Variants in THAP6 observed in about 807,000 individuals in gnomAD.
The protein encoded by THAP6 is THAP domain-containing protein 6.
In THAP6, 13 loss-of-function variants were observed where a neutral mutation model predicts 20.0. The ratio of observed to expected loss-of-function variants is 0.65; its 90% CI spans 0.42 to 1.03. The LOEUF is 1.03. Among genes scored for constraint, THAP6 ranks in the 50% least tolerant of loss-of-function variants. THAP6 has a pLI of 0.00. For synonymous variants in THAP6, 93 were observed against 92.2 expected (o/e 1.01, Z -0.05); for missense variants, 262 against 261.6 (o/e 1.00, Z -0.01).
chr4:75,519,362 T>C (rs1725865429), intron 3 of THAP6, among the ~76,000 whole-genome samples: 2 of 151,316 alleles, frequency 1.3e-5, no homozygotes, highest in South Asian at 4.2e-4. Flanking sequence ...AGTTTTAGGG[T>C]ACATGTGCAC....
At chr4:75,514,329 A>T (rs1420799499), upstream of THAP6, 1 of 1,587,648 alleles carries the variant, frequency 6.3e-7, no homozygotes, top group South Asian at 1.1e-5. Context: ...TTCCCCCAGG[A>T]TAAAAACCAC....
At chr4:75,522,052 G>A (rs1194658204) in intron 4 of THAP6, 191 bp downstream of exon 4, 3 of 601,258 alleles carry the variant, frequency 5.0e-6, no homozygotes, top group Non-Finnish European at 8.1e-6. Flanking sequence ...TAATCCTTTG[G>A]TTACATATGT....
rs1178730138 is a variant in THAP6, at chr4:75,527,917, G to C, written c.*703G>C. ...AAAAGACAAAAAGGATCGTAGATCT[G>C]ATTTTTAAATGGTTGGTTGCTCTGA... On this transcript the variant is annotated 3_prime_UTR_variant, in exon 5 of 5. Coordinates refer to ENST00000311638, the MANE Select transcript of THAP6 (RefSeq NM_144721.6). 1.0e-6 allele frequency: 1 copy of C among 985,412 alleles called. No homozygotes were observed. Among genetic ancestry groups the C allele is most frequent in the African/African-American group, 1.7e-5 (1 of 57,366 alleles). 61.0% of individuals were successfully genotyped at this position (985,412 alleles called of 1,614,324 possible). A position where few individuals can be genotyped will look rare whatever the true frequency, so the allele number is the denominator to read the frequency against.
chr4:75,532,774 G>T (rs899251046), downstream of THAP6, among the ~76,000 whole-genome samples: 1 of 151,982 alleles, frequency 6.6e-6, no homozygotes. Flanking sequence ...ACCCTCTGAA[G>T]CCACGGCCCA....
Position 75,527,231 on chromosome 4 carries a change from G to T in THAP6, c.*17G>T, listed in dbSNP as rs200886095. The T allele has an allele frequency of 6.2e-5, 99 of 1,590,174 alleles. No homozygotes were observed. Among genetic ancestry groups the T allele is most frequent in the Non-Finnish European group, 8.2e-5 (96 of 1,165,324 alleles). ...ATTTCATGAAATAATTTCATGTTAC[G>T]TTCCACCTAAAATTGTCATTGGTAC... On this transcript the variant is annotated 3_prime_UTR_variant, in exon 5 of 5. Transcript: ENST00000311638.
At chr4:75,534,156 A>C (rs930279623), downstream of THAP6, among the ~76,000 whole-genome samples, 1 of 152,178 alleles carries the variant, frequency 6.6e-6, no homozygotes, top group Non-Finnish European at 1.5e-5. Flanking sequence ...AATCCAGTCT[A>C]TCATTGTTGG....
rs564457891 is a variant in THAP6, at chr4:75,527,772, G to A, written c.*558G>A. On this transcript the variant is annotated 3_prime_UTR_variant, in exon 5 of 5. Coordinates refer to ENST00000311638, the MANE Select transcript of THAP6 (RefSeq NM_144721.6). ...TGAGAATAACACATAGTGAAGATCT[G>A]TGGGCTTTTAAAATTGTTCACAGCC... The A allele has an allele frequency of 2.0e-6, 2 of 986,116 alleles. No homozygotes were observed. The highest frequency in any genetic ancestry group is 2.4e-6 in the Non-Finnish European group (2 of 830,614). 61.1% of individuals were successfully genotyped at this position (986,116 alleles called of 1,614,324 possible). A position where few individuals can be genotyped will look rare whatever the true frequency, so the allele number is the denominator to read the frequency against.
At chr4:75,539,937 A>G in intron 2 of THAP6, 1 of 1,536,098 alleles carries the variant, frequency 6.5e-7, no homozygotes, top group Non-Finnish European at 8.7e-7. Flanking sequence ...GGGAATGGCA[A>G]GTGGACAGGC....
rs1726614727 is a variant in THAP6 at position 75,529,830 on chromosome 4, T to G, written c.*2616T>G. 1.0e-6 allele frequency: 1 copy of G among 985,256 alleles called. No individual in the cohort carries two copies. The highest frequency in any genetic ancestry group is 1.2e-6 in the Non-Finnish European group (1 of 829,886). 61.0% of individuals were successfully genotyped at this position (985,256 alleles called of 1,614,324 possible). ...TTGATACGTGGAATTTTTCTCTATA[T>G]CAAGTTTAAATTTCTGGAAATAGAC... On this transcript the variant is annotated 3_prime_UTR_variant, in exon 5 of 5. Transcript: ENST00000311638.
chr4:75,515,399 G>A, intron 1 of THAP6, 34 bp from the exon 2 acceptor site: 1 of 1,577,320 alleles, frequency 6.3e-7, no homozygotes, highest in African/African-American at 1.3e-5. Context: ...CAGCTTTCCG[G>A]TTACTAACTC....
chr4:75,528,139 G>T lies in THAP6; in HGVS notation c.*925G>T. 2 of 985,080 alleles carry T rather than the reference G, an allele frequency of 2.0e-6. No homozygotes were observed. Among genetic ancestry groups the T allele is most frequent in the Middle Eastern group, 5.2e-4 (1 of 1,912 alleles). 61.0% of individuals were successfully genotyped at this position (985,080 alleles called of 1,614,324 possible). ...AACTGTGGCTCTTCCAGTTGAAATA[G>T]GAATTGGAGAGAAAGGATTAGAATA... On this transcript the variant is annotated 3_prime_UTR_variant, in exon 5 of 5. Transcript: ENST00000311638.
chr4:75,518,164 C>T (rs1338813013), intron 3 of THAP6, among the ~76,000 whole-genome samples: 1 of 151,986 alleles, frequency 6.6e-6, no homozygotes, highest in East Asian at 1.9e-4. Flanking sequence ...GTCATCTAGC[C>T]GTAATGTTAA....
Position 75,527,389 on chromosome 4 carries a change from G to C in THAP6, c.*175G>C. On this transcript the variant is annotated 3_prime_UTR_variant, in exon 5 of 5. Transcript: ENST00000311638. Reference sequence around the variant, plus strand: ...TTTTGAAAATATGCAGAAATTTGTGGTAATTATGTATTTGTGTCTTGTGAC... The same window carrying C: ...TTTTGAAAATATGCAGAAATTTGTGCTAATTATGTATTTGTGTCTTGTGAC... 2 of 1,413,636 alleles carry C rather than the reference G, an allele frequency of 1.4e-6. No homozygotes were observed. The highest frequency in any genetic ancestry group is 1.8e-6 in the Non-Finnish European group (2 of 1,086,906). The allele number at this position is 1,413,636 out of a possible 1,614,324, so 87.6% of individuals were successfully genotyped here. A position where few individuals can be genotyped will look rare whatever the true frequency, so the allele number is the denominator to read the frequency against.
chr4:75,532,214 G>A (rs1006112065), downstream of THAP6, among the ~76,000 whole-genome samples: 1 of 152,174 alleles, frequency 6.6e-6, no homozygotes, highest in South Asian at 2.1e-4. Flanking sequence ...CCATTCAAAT[G>A]GGAGAAATTG....
chr4:75,524,210 T>C (rs1306484518), intron 4 of THAP6, among the ~76,000 whole-genome samples: 1 of 152,242 alleles, frequency 6.6e-6, no homozygotes, highest in African/African-American at 2.4e-5. Flanking sequence ...AAAAATCTTA[T>C]AGTCGTATAC....
At chr4:75,542,737 C>T in intron 3 of THAP6, 1 of 341,398 alleles carries the variant, frequency 2.9e-6, no homozygotes, top group East Asian at 4.4e-5. Context: ...TTTGTTTTGT[C>T]TTTTTTTATT....
At chr4:75,531,765 T>C (rs1726687083), downstream of THAP6, among the ~76,000 whole-genome samples, 1 of 150,124 alleles carries the variant, frequency 6.7e-6, no homozygotes, top group African/African-American at 2.5e-5. Context: ...AAAGAGCTTC[T>C]GCAGAGAAAC....
chr4:75,537,776 G>A lies in THAP6; in HGVS notation c.166-4633G>A, dbSNP rs112815517. Among the ~76,000 whole-genome samples the A allele has an allele frequency of 9.5e-3, 1,449 of 152,250 alleles. 28 individuals carry two copies. The highest frequency in any genetic ancestry group is 0.032 in the African/African-American group (1,327 of 41,550). On this transcript the variant is annotated intron_variant, in intron 2 of 4. Coordinates refer to the THAP6 transcript ENST00000502620. ...ACAAGAGACAGGCAGGAGACTCAGC[G>A]TCCAAGGAGATGTGACTATGGAAGC...
Position 75,527,648 on chromosome 4 carries a change from TC to T in THAP6, c.*435del. ...AATGCATTTTACTACAAAGCACAAT[TC>T]ATTTGTAATGCATATCCATCTTGGA... On this transcript the variant is annotated 3_prime_UTR_variant, in exon 5 of 5. Transcript: ENST00000311638. 1.0e-6 allele frequency: 1 copy of T among 999,030 alleles called. No homozygotes were observed. The highest frequency in any genetic ancestry group is 1.0e-4 in the East Asian group (1 of 9,812). The allele number at this position is 999,030 out of a possible 1,614,324, so 61.9% of individuals were successfully genotyped here.
Sources: gnomAD v4.1 joint callset for allele counts (sites outside exome capture counted in the v4.1 genomes callset) on GRCh38, gnomAD v4.1.1 for gene constraint, MANE v1.5 for transcripts, NCBI Gene and HGNC (gene_info 2026-07-23, HGNC 2026-07-21) for gene names.